TMC1: variants seen among roughly 807,000 people sequenced by gnomAD.
TMC1 encodes transmembrane channel like 1, also known as transmembrane channel-like protein 1.
In TMC1, 84 loss-of-function variants were observed where a neutral mutation model predicts 105.8. The observed-to-expected ratio is 0.79, with a 90% CI of 0.67 to 0.95. TMC1 has a LOEUF of 0.95. Among genes scored for constraint, TMC1 ranks in the 40% least tolerant of loss-of-function variants. TMC1 has a pLI of 0.00. For synonymous variants in TMC1, 315 were observed against 311.5 expected (o/e 1.01, Z -0.12); for missense variants, 817 against 914.1 (o/e 0.89, Z 1.37).
At chr9:72,631,699 C>G (rs141859024) in intron 4 of TMC1, among the ~76,000 whole-genome samples, 434 of 152,290 alleles carry the variant, frequency 2.8e-3, no homozygotes, top group Non-Finnish European at 3.8e-3. Flanking sequence ...AGAGAGCACT[C>G]TGGTGCTTCC....
At chr9:72,528,580 C>T (rs984743495) in intron 1 of TMC1, among the ~76,000 whole-genome samples, 7 of 152,034 alleles carry the variant, frequency 4.6e-5, no homozygotes, top group South Asian at 4.1e-4. Flanking sequence ...GTGATCCACC[C>T]GCCTCGGCCT....
rs557996271 is a variant in TMC1, at chr9:72,718,528, T to C, written c.362+17885T>C. Among the ~76,000 whole-genome samples the C allele has an allele frequency of 2.4e-4, 37 of 152,328 alleles. 2 individuals carry two copies. In the South Asian group the frequency reaches 7.5e-3, roughly 31 times the overall value. ...TGGTCTCTGGGCTGGCACTGGGGGATGTCTGCACAGAGTCCTGTGATGTGA... is the reference window on the plus strand; with the variant it reads ...TGGTCTCTGGGCTGGCACTGGGGGACGTCTGCACAGAGTCCTGTGATGTGA... On this transcript the variant is annotated intron_variant, in intron 8 of 23. Coordinates refer to ENST00000297784, the MANE Select transcript of TMC1 (RefSeq NM_138691.3).
At chr9:72,589,930 C>T (rs1824608760) in intron 2 of TMC1, among the ~76,000 whole-genome samples, 1 of 152,178 alleles carries the variant, frequency 6.6e-6, no homozygotes. Flanking sequence ...GAGGGACCCA[C>T]TGATGAACTG....
intron 5 of TMC1, among the ~76,000 whole-genome samples, chr9:72,660,922 G>A (rs1018293802): frequency 9.9e-5 from 15 of 151,998 alleles, no homozygotes; most frequent in African/African-American, 2.9e-4. Flanking sequence ...AGGCTGAGGC[G>A]GGCGGATCAC....
In TMC1 at chr9:72,826,985, T is replaced by C. The variant is rs768465472; in HGVS notation, c.2120T>C (p.Leu707Ser). 18 of 1,613,946 alleles carry C rather than the reference T, an allele frequency of 1.1e-5. No homozygotes were observed. Among genetic ancestry groups the C allele is most frequent in the Non-Finnish European group, 1.5e-5 (18 of 1,179,940 alleles). ...SNPGLVIAVI[L>S]VMVLAIYYLN... ...CCTGGGCTGGTCATTGCTGTCATTT[T>C]GGTGATGGTGTATGTGCTTTTCCTC... The change falls in exon 21 of 24, where the codon TTG (leucine) becomes TCG (serine). Residue 707 changes from leucine (L) to serine (S), a missense_variant. By Grantham distance (145) the Leu-to-Ser change is moderately radical. Coordinates refer to ENST00000297784, the MANE Select transcript of TMC1 (RefSeq NM_138691.3).
chr9:72,646,625 T>G (rs1347801441), intron 4 of TMC1, among the ~76,000 whole-genome samples: 2 of 151,908 alleles, frequency 1.3e-5, no homozygotes, highest in Non-Finnish European at 2.9e-5. Context: ...TATTTTATTT[T>G]TATTTTTTAT....
At chr9:72,654,797 T>A (rs192198722) in intron 5 of TMC1, among the ~76,000 whole-genome samples, 1 of 152,266 alleles carries the variant, frequency 6.6e-6, no homozygotes, top group East Asian at 1.9e-4. Flanking sequence ...ATTGTTTTTT[T>A]TTTCTTCCAT....
chr9:72,793,367 C>A (rs2118198191), intron 17 of TMC1, among the ~76,000 whole-genome samples: 1 of 152,304 alleles, frequency 6.6e-6, no homozygotes, highest in South Asian at 2.1e-4. Context: ...CTCCCTGAGA[C>A]AGAGCTCCTG....
chr9:72,732,121 G>GA (rs1000923967), intron 8 of TMC1, among the ~76,000 whole-genome samples: 3 of 152,054 alleles, frequency 2.0e-5, no homozygotes, highest in African/African-American at 7.2e-5. Context: ...AATGAGTTTG[G>GA]AAAATGGAGA....
chr9:72,570,676 CTTTTTTTT>C (rs529953890), intron 1 of TMC1, among the ~76,000 whole-genome samples: 8 of 75,646 alleles, frequency 1.1e-4, no homozygotes, highest in Admixed American at 2.0e-4. Flanking sequence ...GCCAAATTTC[CTTTTTTTT>C]TTTTTTTTTT....
chr9:72,800,304 T>A (rs1000370086), intron 17 of TMC1, among the ~76,000 whole-genome samples: 1 of 152,138 alleles, frequency 6.6e-6, no homozygotes, highest in Non-Finnish European at 1.5e-5. Context: ...AAGGAAAATA[T>A]AGGAAGTACA....
chr9:72,792,129 G>T (rs1397682280), intron 16 of TMC1, 62 bp from the exon 17 acceptor site: 2 of 1,613,526 alleles, frequency 1.2e-6, no homozygotes, highest in Non-Finnish European at 1.7e-6. Context: ...TCTCAAGTTT[G>T]CCAGAAATGC....
intron 17 of TMC1, among the ~76,000 whole-genome samples, chr9:72,802,614 A>C (rs972295226): frequency 1.6e-4 from 25 of 152,314 alleles, no homozygotes; most frequent in African/African-American, 5.8e-4. Flanking sequence ...TGAAGGCAGA[A>C]ATCAAGATGT....
intron 8 of TMC1, among the ~76,000 whole-genome samples, chr9:72,737,208 G>GT (rs1827313889): frequency 6.6e-6 from 1 of 152,120 alleles, no homozygotes; most frequent in Non-Finnish European, 1.5e-5. Context: ...TTTACCTGGC[G>GT]TTTCTTGTGG....
intron 13 of TMC1, among the ~76,000 whole-genome samples, chr9:72,781,550 T>A: frequency 6.6e-6 from 1 of 151,706 alleles, no homozygotes; most frequent in Non-Finnish European, 1.5e-5. Flanking sequence ...AAAGTATAAA[T>A]AAGATTGATA....
intron 23 of TMC1, among the ~76,000 whole-genome samples, chr9:72,835,617 T>C (rs1296722300): frequency 2.6e-5 from 4 of 152,182 alleles, no homozygotes; most frequent in Non-Finnish European, 4.4e-5. Flanking sequence ...ACCTACTGAA[T>C]ATCTACTGAA....
intron 5 of TMC1, among the ~76,000 whole-genome samples, chr9:72,657,048 C>T (rs1008291739): frequency 6.6e-6 from 1 of 152,164 alleles, no homozygotes; most frequent in Non-Finnish European, 1.5e-5. Flanking sequence ...TAGTAGTTAC[C>T]ACACATCTAT....
At chr9:72,802,933 A>G (rs1828501306) in intron 17 of TMC1, among the ~76,000 whole-genome samples, 1 of 152,114 alleles carries the variant, frequency 6.6e-6, no homozygotes. Context: ...GAGAAAATCC[A>G]AAGCAAATAG....
At chr9:72,804,149 A>G (rs1374072922) in intron 17 of TMC1, among the ~76,000 whole-genome samples, 2 of 152,168 alleles carry the variant, frequency 1.3e-5, no homozygotes, top group Admixed American at 1.3e-4. Context: ...ACCAAACACC[A>G]TATGTTCTCA....
Sources: gnomAD v4.1 joint callset for allele counts (sites outside exome capture counted in the v4.1 genomes callset) on GRCh38, gnomAD v4.1.1 for gene constraint, MANE v1.5 for transcripts, NCBI Gene and HGNC (gene_info 2026-07-23, HGNC 2026-07-21) for gene names.